METTL15: variants seen among roughly 807,000 people sequenced by gnomAD.
METTL15 encodes the protein methyltransferase 15, mitochondrial 12S rRNA N4-cytidine, also known as 12S rRNA N(4)-cytidine methyltransferase METTL15.
In METTL15, 34 loss-of-function variants were observed where a neutral mutation model predicts 38.3. The ratio of observed to expected loss-of-function variants is 0.89; its 90% CI spans 0.68 to 1.18. The LOEUF (loss-of-function observed/expected upper bound fraction) is 1.18, where lower values mean the gene tolerates loss of function less well. METTL15 is among the 50% of genes most tolerant of loss of function. The pLI is 0.00. For synonymous variants in METTL15, 162 were observed against 170.9 expected, an observed-to-expected ratio of 0.95 and a Z score of 0.41; for missense variants, 438 against 498.4, an observed-to-expected ratio of 0.88 and a Z score of 1.15.
intron 6 of METTL15, among the ~76,000 whole-genome samples, chr11:28,495,194 G>A (rs149028504): frequency 6.6e-6 from 1 of 152,270 alleles, no homozygotes; most frequent in African/African-American, 2.4e-5. Context: ...CATAGAGACA[G>A]CCAAGTAACA....
At chr11:28,194,545 T>C (rs561693809) in intron 3 of METTL15, among the ~76,000 whole-genome samples, 31 of 151,868 alleles carry the variant, frequency 2.0e-4, no homozygotes, top group Non-Finnish European at 3.4e-4. Flanking sequence ...AACAGAACTG[T>C]GACCAAGCAT....
At chr11:28,348,729 TATG>T (rs1850017786) in intron 3 of METTL15, among the ~76,000 whole-genome samples, 1 of 150,606 alleles carries the variant, frequency 6.6e-6, no homozygotes, top group Non-Finnish European at 1.5e-5. Flanking sequence ...TGTATGTATG[TATG>T]TATTTATATC....
At chr11:28,168,080 C>T (rs1273026006) in intron 3 of METTL15, among the ~76,000 whole-genome samples, 2 of 151,990 alleles carry the variant, frequency 1.3e-5, no homozygotes, top group Admixed American at 1.3e-4. Context: ...CCTATACTGA[C>T]ATCAGTTTTT....
intron 4 of METTL15, among the ~76,000 whole-genome samples, chr11:28,256,733 T>C (rs1854987517): frequency 2.6e-5 from 4 of 152,106 alleles, no homozygotes; most frequent in Non-Finnish European, 5.9e-5. Flanking sequence ...ATTTATTTTC[T>C]TCCACTAATT....
intron 3 of METTL15, among the ~76,000 whole-genome samples, chr11:28,117,143 C>T (rs1263547771): frequency 2.0e-5 from 3 of 151,532 alleles, no homozygotes; most frequent in African/African-American, 7.3e-5. Flanking sequence ...AAAATCCATA[C>T]ATAAGTGTGA....
intron 3 of METTL15, among the ~76,000 whole-genome samples, chr11:28,206,051 G>C (rs1460617362): frequency 7.0e-6 from 1 of 142,854 alleles, no homozygotes; most frequent in Admixed American, 6.8e-5. Flanking sequence ...CTGCCATTCT[G>C]TAGGTTGCCT....
In METTL15 at chr11:28,330,715, C is replaced by G; in HGVS notation, c.1098C>G (p.Val366=). ...CAGATCACGAAAACACGGAAGAAGT[C>G]TCTATGAGAAGAGCTCCTTTAATGT... ...LGSDHENTEE[V]SMRRAPLMWE... Residue 366 remains valine, a synonymous_variant, in exon 7 of 7, where the codon GTC becomes GTG. Transcript: ENST00000407364. 6.4e-7 allele frequency: 1 copy of G among 1,551,512 alleles called. No individual in the cohort carries two copies. The highest frequency in any genetic ancestry group is 1.2e-5 in the South Asian group (1 of 84,058).
chr11:28,182,024 T>A (rs1259032141), intron 3 of METTL15, among the ~76,000 whole-genome samples: 2 of 152,176 alleles, frequency 1.3e-5, no homozygotes, highest in African/African-American at 2.4e-5. Flanking sequence ...ATGAGCATGT[T>A]TTCGTATGTT....
intron 6 of METTL15, among the ~76,000 whole-genome samples, chr11:28,471,260 T>G (rs547540540): frequency 6.6e-6 from 1 of 152,126 alleles, no homozygotes; most frequent in Non-Finnish European, 1.5e-5. Flanking sequence ...TCCTAAGACA[T>G]ACAGCATTCC....
chr11:28,408,188 T>C (rs1850691034), intron 5 of METTL15, among the ~76,000 whole-genome samples: 1 of 152,074 alleles, frequency 6.6e-6, no homozygotes, highest in African/African-American at 2.4e-5. Context: ...AACATCATGA[T>C]AAATAGCCAA....
chr11:28,211,140 G>T lies in METTL15; in HGVS notation c.349G>T (p.Ala117Ser), dbSNP rs1852621589. 6.2e-7 allele frequency: 1 copy of T among 1,612,738 alleles called. No individual in the cohort carries two copies. The highest frequency in any genetic ancestry group is 8.5e-7 in the Non-Finnish European group (1 of 1,179,080). ...LQKESDIVLY[A>S]LDRDPTAYAL... ...GAAGGAGTCAGATATTGTTCTCTATGCCTTGGACAGAGACCCAACAGCTTA... is the reference window on the plus strand; with the variant it reads ...GAAGGAGTCAGATATTGTTCTCTATTCCTTGGACAGAGACCCAACAGCTTA... Residue 117 changes from alanine to serine, a missense_variant, in exon 4 of 7, where the codon GCC becomes TCC. Transcript: ENST00000407364.
At chr11:28,180,492 A>T (rs1851243063) in intron 3 of METTL15, among the ~76,000 whole-genome samples, 2 of 151,778 alleles carry the variant, frequency 1.3e-5, no homozygotes, top group South Asian at 4.1e-4. Context: ...GGTCTAGTCA[A>T]TGAGAACTAT....
intron 6 of METTL15, among the ~76,000 whole-genome samples, chr11:28,468,257 T>G (rs1308830719): frequency 1.3e-5 from 2 of 152,176 alleles, no homozygotes; most frequent in Admixed American, 6.5e-5. Context: ...TTATTAGGAT[T>G]TTTTTCTAGT....
chr11:28,452,075 G>A (rs1398299203), intron 6 of METTL15, among the ~76,000 whole-genome samples: 1 of 152,158 alleles, frequency 6.6e-6, no homozygotes, highest in East Asian at 1.9e-4. Flanking sequence ...AGTGTTTTGG[G>A]GGACCCTGGT....
At chr11:28,526,704 G>A (rs1389328283) in exon 8 of METTL15, 4 of 152,240 alleles carry the variant, frequency 2.6e-5, no homozygotes, top group African/African-American at 9.6e-5. Context: ...CTGATATCTT[G>A]ATCTTGGGGT....
intron 4 of METTL15, among the ~76,000 whole-genome samples, chr11:28,277,542 A>G (rs1855890192): frequency 6.6e-6 from 1 of 152,070 alleles, no homozygotes; most frequent in Non-Finnish European, 1.5e-5. Flanking sequence ...TACTAAACAT[A>G]CAAAAATTAG....
intron 6 of METTL15, among the ~76,000 whole-genome samples, chr11:28,465,518 G>A (rs902040618): frequency 5.9e-5 from 9 of 152,128 alleles, no homozygotes; most frequent in Admixed American, 2.0e-4. Context: ...TAACTTAGAA[G>A]CCTCTCATAC....
At chr11:28,292,564 G>A (rs1027170642) in intron 5 of METTL15, among the ~76,000 whole-genome samples, 2 of 152,118 alleles carry the variant, frequency 1.3e-5, no homozygotes, top group Admixed American at 6.5e-5. Context: ...AGTCCTTTGG[G>A]TATATACCCA....
At chr11:28,246,196 G>A (rs1367652345) in intron 4 of METTL15, among the ~76,000 whole-genome samples, 4 of 151,954 alleles carry the variant, frequency 2.6e-5, no homozygotes, top group African/African-American at 9.7e-5. Context: ...TAATTTGAAT[G>A]TTCCTAGCAT....
Sources: allele counts gnomAD v4.1 joint callset (sites outside exome capture counted in the v4.1 genomes callset), GRCh38; gene constraint gnomAD v4.1.1; transcripts MANE v1.5; gene names NCBI Gene and HGNC (gene_info 2026-07-23, HGNC 2026-07-21).